NRXN3: variants seen among roughly 807,000 people sequenced by gnomAD.
The protein encoded by NRXN3 is neurexin 3.
NRXN3 carries 32 observed loss-of-function variants against 137.6 expected under a neutral mutation model. The observed-to-expected ratio is 0.23, with a 90% CI of 0.18 to 0.31. The LOEUF is 0.31. Ranked by LOEUF, NRXN3 falls within the 10% of genes least tolerant of loss-of-function variation. The pLI is 1.00. For synonymous variants in NRXN3, 798 were observed against 784.5 expected, an observed-to-expected ratio of 1.02 and a Z score of -0.29; for missense variants, 1,574 against 2,062.5, an observed-to-expected ratio of 0.76 and a Z score of 4.59.
intron 4 of NRXN3, among the ~76,000 whole-genome samples, chr14:78,390,482 C>T (rs1331336353): frequency 6.6e-6 from 1 of 152,216 alleles, no homozygotes; most frequent in Non-Finnish European, 1.5e-5. Context: ...GCACACCCCA[C>T]TCATTCCAAG....
chr14:79,388,231 G>C (rs2094709532), intron 15 of NRXN3, among the ~76,000 whole-genome samples: 1 of 151,904 alleles, frequency 6.6e-6, no homozygotes, highest in South Asian at 2.1e-4. Flanking sequence ...AGATCCCTGA[G>C]GCCTCTCCAA....
At chr14:79,530,775 A>G (rs2097163198) in intron 16 of NRXN3, among the ~76,000 whole-genome samples, 1 of 152,152 alleles carries the variant, frequency 6.6e-6, no homozygotes, top group Admixed American at 6.5e-5. Flanking sequence ...CCTGTAAACA[A>G]AAAGTTCTTT....
intron 15 of NRXN3, among the ~76,000 whole-genome samples, chr14:79,223,155 G>A (rs1313916496): frequency 2.6e-5 from 4 of 152,140 alleles, no homozygotes; most frequent in African/African-American, 7.2e-5. Context: ...TGAAATGAAA[G>A]TGATTAGAAA....
At chr14:79,128,645 G>C (rs1401379179) in intron 15 of NRXN3, among the ~76,000 whole-genome samples, 1 of 152,052 alleles carries the variant, frequency 6.6e-6, no homozygotes, top group Non-Finnish European at 1.5e-5. Context: ...TCTCTTTTTT[G>C]ATTGTGTCTC....
chr14:79,069,016 A>G (rs1461635634), intron 15 of NRXN3, among the ~76,000 whole-genome samples: 1 of 152,134 alleles, frequency 6.6e-6, no homozygotes. Context: ...GGATTATAAC[A>G]TGGCATCATT....
intron 10 of NRXN3, among the ~76,000 whole-genome samples, chr14:78,928,589 T>C (rs2099312846): frequency 1.3e-5 from 2 of 152,108 alleles, no homozygotes; most frequent in Non-Finnish European, 2.9e-5. Flanking sequence ...CTCAGAATGA[T>C]GGTTTCCAGC....
At chr14:79,602,752 A>G (rs1296698101) in intron 16 of NRXN3, among the ~76,000 whole-genome samples, 1 of 150,090 alleles carries the variant, frequency 6.7e-6, no homozygotes, top group African/African-American at 2.4e-5. Flanking sequence ...TTTTTTTCCT[A>G]TCGCTTTCTT....
At position 79,233,733 on chromosome 14, in the gene NRXN3, T is replaced by C. The variant is rs565053976; in HGVS notation, c.3263-233488T>C. On this transcript the variant is annotated intron_variant, in intron 15 of 20. Transcript: ENST00000335750. ...GAAACTTTATAACGAGGATTAGACT[T>C]AAATTTGGCAAGCTTTTCTAGATAA... Among the ~76,000 whole-genome samples the C allele has an allele frequency of 7.2e-5, 11 of 152,012 alleles. No homozygotes were observed. The South Asian group carries it at 2.3e-3, about 32-fold the overall frequency.
intron 8 of NRXN3, among the ~76,000 whole-genome samples, chr14:78,733,883 A>G: frequency 6.6e-6 from 1 of 152,146 alleles, no homozygotes; most frequent in South Asian, 2.1e-4. Flanking sequence ...CAAGGAGCTC[A>G]AGGTCACCCT....
At chr14:79,127,690 T>C (rs1006015999) in intron 15 of NRXN3, among the ~76,000 whole-genome samples, 8 of 152,256 alleles carry the variant, frequency 5.3e-5, no homozygotes, top group Admixed American at 2.0e-4. Flanking sequence ...AACTTTAAAG[T>C]AGTTTTTTCC....
intron 15 of NRXN3, among the ~76,000 whole-genome samples, chr14:79,041,192 T>C (rs978926569): frequency 2.6e-5 from 4 of 152,222 alleles, no homozygotes; most frequent in African/African-American, 7.2e-5. Flanking sequence ...CTTGGCACAT[T>C]ATTGTCACTG....
rs77521615 is a variant in NRXN3 at position 78,965,967 on chromosome 14, G to A, written c.2396-58G>A. 790 of 1,558,288 alleles carry A rather than the reference G, an allele frequency of 5.1e-4. 8 individuals carry two copies. In the East Asian group the frequency reaches 0.017, roughly 33 times the overall value. On this transcript the variant is annotated intron_variant, in intron 11 of 20. Transcript: ENST00000335750. ...GTTACACCCAAAAAATATACTTGAG[G>A]GTGCTGTGATAAATGATGGTAACTT...
At chr14:78,597,125 A>G (rs1472068759) in intron 4 of NRXN3, among the ~76,000 whole-genome samples, 1 of 152,250 alleles carries the variant, frequency 6.6e-6, no homozygotes, top group Non-Finnish European at 1.5e-5. Context: ...CATCTGATCC[A>G]GGCCAGCATA....
At chr14:79,606,691 T>C (rs75140241) in intron 16 of NRXN3, among the ~76,000 whole-genome samples, 17,009 of 152,288 alleles carry the variant, frequency 0.11, 1,102 homozygotes, top group South Asian at 0.23. Flanking sequence ...CAGGTACTTA[T>C]TGAGCATCTA....
chr14:79,434,951 A>G (rs2095820970), intron 15 of NRXN3, among the ~76,000 whole-genome samples: 1 of 152,142 alleles, frequency 6.6e-6, no homozygotes, highest in Non-Finnish European at 1.5e-5. Context: ...GGTTCTGGAG[A>G]GGGACTGAGG....
chr14:78,960,270 G>T (rs1218272957), intron 11 of NRXN3, among the ~76,000 whole-genome samples: 1 of 152,054 alleles, frequency 6.6e-6, no homozygotes, highest in East Asian at 1.9e-4. Flanking sequence ...TACAATCTTG[G>T]GTTGCTTTTT....
chr14:79,056,685 G>A (rs1239572127), intron 15 of NRXN3, among the ~76,000 whole-genome samples: 1 of 152,150 alleles, frequency 6.6e-6, no homozygotes, highest in Non-Finnish European at 1.5e-5. Context: ...AAAATAGTCA[G>A]GGCTGGTGAA....
At chr14:78,536,425 A>C (rs894286617) in intron 4 of NRXN3, among the ~76,000 whole-genome samples, 3 of 152,130 alleles carry the variant, frequency 2.0e-5, no homozygotes, top group African/African-American at 4.8e-5. Flanking sequence ...ACCCAAACTA[A>C]GGCATGGGGC....
intron 4 of NRXN3, among the ~76,000 whole-genome samples, chr14:78,307,730 C>T (rs1276988313): frequency 6.6e-6 from 1 of 152,086 alleles, no homozygotes. Context: ...TGTAAAAGTG[C>T]TGCATCTTTC....
Sources: gnomAD v4.1 joint callset for allele counts (sites outside exome capture counted in the v4.1 genomes callset) on GRCh38, gnomAD v4.1.1 for gene constraint, MANE v1.5 for transcripts, NCBI Gene and HGNC (gene_info 2026-07-23, HGNC 2026-07-21) for gene names.